MYLK: variants seen among roughly 807,000 people sequenced by gnomAD.
MYLK encodes the protein myosin light chain kinase, smooth muscle.
In MYLK, 106 loss-of-function variants were observed where a neutral mutation model predicts 203.4. The observed-to-expected ratio is 0.52, with a 90% CI of 0.45 to 0.61. The LOEUF (loss-of-function observed/expected upper bound fraction) is 0.61. MYLK is among the 20% of genes least tolerant of loss of function. The pLI, the probability that MYLK is intolerant of heterozygous loss-of-function variation, is 0.00. For missense variants in MYLK, 2,072 were observed against 2,442.3 expected (o/e 0.85, Z 3.20); for synonymous variants, 867 against 959.5 (o/e 0.90, Z 1.78).
intron 5 of MYLK, among the ~76,000 whole-genome samples, chr3:123,751,945 C>T (rs1164786500): frequency 6.6e-6 from 1 of 151,954 alleles, no homozygotes; most frequent in Non-Finnish European, 1.5e-5. Context: ...AAAGAAGGGC[C>T]AGAGGTGGGT....
intron 20 of MYLK, among the ~76,000 whole-genome samples, chr3:123,676,291 G>C (rs1204142146): frequency 6.6e-6 from 1 of 152,194 alleles, no homozygotes; most frequent in Non-Finnish European, 1.5e-5. Context: ...GTTGGTGCCA[G>C]CTTTCAGAAA....
intron 16 of MYLK, among the ~76,000 whole-genome samples, chr3:123,704,980 T>C (rs1171930666): frequency 6.6e-6 from 1 of 152,172 alleles, no homozygotes; most frequent in Non-Finnish European, 1.5e-5. Flanking sequence ...TTTCAAGTAT[T>C]CCAGCTGGAA....
chr3:123,810,222 G>A (rs114727513), intron 3 of MYLK, among the ~76,000 whole-genome samples: 2,798 of 152,274 alleles, frequency 0.018, 38 homozygotes, highest in Non-Finnish European at 0.032. Context: ...GGTGAAACGC[G>A]GACATAGGCC....
intron 3 of MYLK, among the ~76,000 whole-genome samples, chr3:123,809,355 T>C (rs1364660356): frequency 2.0e-5 from 3 of 151,960 alleles, no homozygotes; most frequent in African/African-American, 7.3e-5. Flanking sequence ...TGAAACAGCA[T>C]CTCTACTAAA....
In MYLK at chr3:123,647,118, T is replaced by C. The variant is rs931985931; in HGVS notation, c.4619+106A>G. The C allele has an allele frequency of 1.4e-5, 14 of 1,004,578 alleles. No homozygotes were observed. In the African/African-American group the frequency reaches 2.2e-4, roughly 16 times the overall value. 62.2% of individuals were successfully genotyped at this position (1,004,578 alleles called of 1,614,324 possible). A position where few individuals can be genotyped will look rare whatever the true frequency, so the allele number is the denominator to read the frequency against. ...GCATCTTACATATCACACTCCTGTCTGCAGTGCTTTCCATCTTGGGGCAGA... is the reference window on the plus strand; with the variant it reads ...GCATCTTACATATCACACTCCTGTCCGCAGTGCTTTCCATCTTGGGGCAGA... On this transcript the variant is annotated intron_variant, in intron 27 of 33. Transcript: ENST00000360304.
At chr3:123,784,752 T>C (rs557209263) in intron 4 of MYLK, among the ~76,000 whole-genome samples, 1 of 152,376 alleles carries the variant, frequency 6.6e-6, no homozygotes, top group Non-Finnish European at 1.5e-5. Context: ...CATCAGTGGC[T>C]GAAGAACTAG....
intron 4 of MYLK, among the ~76,000 whole-genome samples, chr3:123,778,644 C>A (rs571773551): frequency 6.6e-6 from 1 of 152,176 alleles, no homozygotes. Context: ...TCAGGCAAGA[C>A]GCAGAAGCCC....
At chr3:123,652,923 T>G (rs2059264028) in intron 24 of MYLK, among the ~76,000 whole-genome samples, 1 of 152,140 alleles carries the variant, frequency 6.6e-6, no homozygotes, top group African/African-American at 2.4e-5. Flanking sequence ...GGGGAACCCA[T>G]GCTTTGTCCC....
At chr3:123,701,390 G>A (rs1207741648) in intron 17 of MYLK, 48 bp downstream of exon 17, 2 of 1,584,720 alleles carry the variant, frequency 1.3e-6, no homozygotes, top group African/African-American at 1.3e-5. Context: ...CAGGAGGAAG[G>A]TGGGGATGGG....
chr3:123,879,571 T>C (rs2033387777), intron 1 of MYLK, among the ~76,000 whole-genome samples: 1 of 152,226 alleles, frequency 6.6e-6, no homozygotes, highest in African/African-American at 2.4e-5. Flanking sequence ...ACCTATGTGT[T>C]AGCTCTCTTG....
chr3:123,675,475 G>C (rs1422614858), intron 20 of MYLK, among the ~76,000 whole-genome samples: 1 of 152,212 alleles, frequency 6.6e-6, no homozygotes, highest in Non-Finnish European at 1.5e-5. Flanking sequence ...GCAGGGCAGA[G>C]AGACCAGAGT....
intron 2 of MYLK, among the ~76,000 whole-genome samples, chr3:123,859,216 C>T (rs1158992172): frequency 6.6e-6 from 1 of 152,212 alleles, no homozygotes; most frequent in African/African-American, 2.4e-5. Context: ...AAGATTCAAA[C>T]TGGAATGTGC....
chr3:123,610,589 C>G lies in MYLK; in HGVS notation c.*3516G>C, dbSNP rs1413934386. The stretch of plus-strand genomic sequence containing the variant: ...CACATGGCCCCATCTAACCAGGAAG[C>G]CGAGAGTGAAGCCCTAACTCTGTGC... On this transcript the variant is annotated 3_prime_UTR_variant, in exon 34 of 34. Transcript: ENST00000360304. 1 of 152,208 alleles carries G rather than the reference C, an allele frequency of 6.6e-6. No individual in the cohort carries two copies. The highest frequency in any genetic ancestry group is 1.5e-5 in the Non-Finnish European group (1 of 68,070). The allele number at this position is 152,208 out of a possible 1,614,324, so 9.4% of individuals were successfully genotyped here.
intron 2 of MYLK, among the ~76,000 whole-genome samples, chr3:123,836,771 C>G (rs1220837407): frequency 6.6e-6 from 1 of 152,196 alleles, no homozygotes; most frequent in African/African-American, 2.4e-5. Flanking sequence ...CCAGATAACA[C>G]TAGTACCTGG....
At position 123,682,207 on chromosome 3, in the gene MYLK, G is replaced by GCTGGGC; in HGVS notation, c.3652+11_3652+16dup. 1 of 1,586,942 alleles carries GCTGGGC rather than the reference G, an allele frequency of 6.3e-7. No homozygotes were observed. The highest frequency in any genetic ancestry group is 1.1e-5 in the South Asian group (1 of 87,042). On this transcript the variant is annotated intron_variant, in intron 20 of 33. Transcript: ENST00000360304. ...CCTGCCTCTGCCTCTGCCTGGTGAA[G>GCTGGGC]CTGGGCGAGTACTCACTCTCAGTTC... is the stretch of plus-strand genomic sequence containing the variant.
chr3:123,726,064 C>A lies in MYLK; in HGVS notation c.1531G>T (p.Glu511Ter). 6.2e-7 allele frequency: 1 copy of A among 1,614,180 alleles called. No individual in the cohort carries two copies. Among genetic ancestry groups the A allele is most frequent in the Non-Finnish European group, 8.5e-7 (1 of 1,180,030 alleles). Residue 511 changes from glutamate to a stop codon, truncating the protein, a stop_gained, in exon 12 of 34, where the codon GAG becomes TAG. Transcript: ENST00000360304. LOFTEE classifies it high-confidence loss of function. ...TLQVERLAVM[E>*]VAPSFSSVLK... Reference sequence around the variant, plus strand: ...ACACTGGAGAAGGAGGGGGCCACCTCCATCACGGCAAGCCCTGTGAGGGAA... The same window carrying A: ...ACACTGGAGAAGGAGGGGGCCACCTACATCACGGCAAGCCCTGTGAGGGAA...
chr3:123,645,565 A>G (rs1038535380), intron 27 of MYLK, among the ~76,000 whole-genome samples: 7 of 152,202 alleles, frequency 4.6e-5, no homozygotes, highest in African/African-American at 1.4e-4. Flanking sequence ...CAATTTCACA[A>G]TATCTCTAAA....
At chr3:123,821,935 C>T (rs1245203740) in intron 3 of MYLK, among the ~76,000 whole-genome samples, 2 of 152,102 alleles carry the variant, frequency 1.3e-5, no homozygotes, top group Admixed American at 1.3e-4. Flanking sequence ...GAGGTGGGAC[C>T]TTTAAGAGGT....
At chr3:123,870,011 A>C (rs1456885209) in intron 2 of MYLK, among the ~76,000 whole-genome samples, 2 of 152,014 alleles carry the variant, frequency 1.3e-5, no homozygotes, top group Non-Finnish European at 2.9e-5. Context: ...TAGGAGCCAG[A>C]AGGGCATGGA....
Sources: allele counts gnomAD v4.1 joint callset (sites outside exome capture counted in the v4.1 genomes callset), GRCh38; gene constraint gnomAD v4.1.1; transcripts MANE v1.5; gene names NCBI Gene and HGNC (gene_info 2026-07-23, HGNC 2026-07-21).